SMIM18: variants seen among roughly 807,000 people sequenced by gnomAD.
SMIM18 encodes the protein small integral membrane protein 18.
SMIM18 carries 4 observed loss-of-function variants against 5.9 expected under a neutral mutation model. The observed-to-expected ratio is 0.68, with a 90% confidence interval of 0.33 to 1.56. The LOEUF is 1.56. SMIM18 is among the 40% of genes most tolerant of loss of function. The pLI is 0.06. For missense variants in SMIM18, 89 were observed against 109.7 expected, an observed-to-expected ratio of 0.81 and a Z score of 0.84; for synonymous variants, 37 against 37.4, an observed-to-expected ratio of 0.99 and a Z score of 0.04.
At chr8:30,640,496 A>T (rs1198110280) in intron 1 of SMIM18, among the ~76,000 whole-genome samples, 3 of 152,228 alleles carry the variant, frequency 2.0e-5, no homozygotes, top group Non-Finnish European at 4.4e-5. Flanking sequence ...CTAAAAAAAA[A>T]TTATGTGATT....
chr8:30,642,296 CAAA>C (rs33951211), intron 1 of SMIM18, among the ~76,000 whole-genome samples: 1 of 129,904 alleles, frequency 7.7e-6, no homozygotes, highest in African/African-American at 2.8e-5. Context: ...GGAGAAAAGC[CAAA>C]AAAAAAAAAA....
At chr8:30,643,831 TG>T (rs1184803581) in intron 1 of SMIM18, 2 of 151,468 alleles carry the variant, frequency 1.3e-5, no homozygotes, top group African/African-American at 4.8e-5. Context: ...AAAAAGTACA[TG>T]GGGTTCATAC....
In SMIM18 at chr8:30,645,304, C is replaced by G. The variant is rs1563508520; in HGVS notation, c.-6C>G. The G allele has an allele frequency of 9.8e-6, 15 of 1,533,428 alleles. No homozygotes were observed. The Admixed American group carries it at 3.0e-4, about 30-fold the overall frequency. The allele number at this position is 1,533,428 out of a possible 1,614,324, so 95.0% of individuals were successfully genotyped here. A position where few individuals can be genotyped will look rare whatever the true frequency, so the allele number is the denominator to read the frequency against. ...AGATTCAAAAGAGCAAGTGGAATCT[C>G]TAAGAATGGCTTCCAGCCACTGGAA... On this transcript the variant is annotated 5_prime_UTR_variant, in exon 3 of 3. Coordinates refer to ENST00000517349, the MANE Select transcript of SMIM18 (RefSeq NM_001206847.2).
intron 2 of SMIM18, among the ~76,000 whole-genome samples, 198 bp from the exon 3 acceptor site, chr8:30,645,083 A>G (rs1294902684): frequency 7.2e-5 from 11 of 152,134 alleles, no homozygotes. Context: ...TCTAGCAAAT[A>G]ATATATGTTA....
In SMIM18 at chr8:30,645,801, G is replaced by A; in HGVS notation, c.*204G>A. 1.9e-6 allele frequency: 1 copy of A among 540,414 alleles called. No homozygotes were observed. Among genetic ancestry groups the A allele is most frequent in the Non-Finnish European group, 3.2e-6 (1 of 310,186 alleles). The allele number at this position is 540,414 out of a possible 1,614,324, so 33.5% of individuals were successfully genotyped here. A position where few individuals can be genotyped will look rare whatever the true frequency, so the allele number is the denominator to read the frequency against. On this transcript the variant is annotated 3_prime_UTR_variant, in exon 3 of 3. Coordinates refer to ENST00000517349, the MANE Select transcript of SMIM18 (RefSeq NM_001206847.2). Reference sequence around the variant, plus strand: ...AAATATACAGTAAAACTTCATGAATGTGAATTTACTAATCTGTTTAATACT... The same window carrying A: ...AAATATACAGTAAAACTTCATGAATATGAATTTACTAATCTGTTTAATACT...
At chr8:30,641,635 G>A (rs1020740938) in intron 1 of SMIM18, among the ~76,000 whole-genome samples, 5 of 152,140 alleles carry the variant, frequency 3.3e-5, no homozygotes, top group African/African-American at 4.8e-5. Context: ...CAGCACTTTT[G>A]GGAAGCCAAG....
At chr8:30,640,272 C>T (rs187992378) in intron 1 of SMIM18, among the ~76,000 whole-genome samples, 2 of 152,250 alleles carry the variant, frequency 1.3e-5, no homozygotes, top group East Asian at 3.9e-4. Context: ...AATTCAAAGG[C>T]TTTTACCATA....
rs1166670074 is a variant in SMIM18 at position 30,645,638 on chromosome 8, A to G, written c.*41A>G. 1 of 1,488,262 alleles carries G rather than the reference A, an allele frequency of 6.7e-7. No homozygotes were observed. The highest frequency in any genetic ancestry group is 8.9e-7 in the Non-Finnish European group (1 of 1,121,984). The allele number at this position is 1,488,262 out of a possible 1,614,324, so 92.2% of individuals were successfully genotyped here. On this transcript the variant is annotated 3_prime_UTR_variant, in exon 3 of 3. Transcript: ENST00000517349. The stretch of plus-strand genomic sequence containing the variant: ...GAACAAAATCTCTGAAAGCAGCTCA[A>G]CCTCTTCTGAGAAAAAAAATATATT...
intron 1 of SMIM18, chr8:30,643,834 G>T (rs778106585): frequency 1.3e-5 from 2 of 151,702 alleles, no homozygotes; most frequent in Admixed American, 6.6e-5. Context: ...AAGTACATGG[G>T]GTTCATACTA....
At chr8:30,641,869 C>G (rs113541553) in intron 1 of SMIM18, among the ~76,000 whole-genome samples, 1 of 152,054 alleles carries the variant, frequency 6.6e-6, no homozygotes, top group South Asian at 2.1e-4. Context: ...GAACGAGACT[C>G]TGTCTCAAAC....
intron 1 of SMIM18, 150 bp downstream of exon 1, chr8:30,638,789 T>C (rs1031438011): frequency 6.6e-6 from 1 of 152,322 alleles, no homozygotes; most frequent in African/African-American, 2.4e-5. Flanking sequence ...GGTAGGATTT[T>C]ATTATGAAAA....
At chr8:30,640,981 A>C (rs1801800947) in intron 1 of SMIM18, among the ~76,000 whole-genome samples, 1 of 152,164 alleles carries the variant, frequency 6.6e-6, no homozygotes, top group South Asian at 2.1e-4. Context: ...CTAGGATTAC[A>C]GGCCTAATGG....
At chr8:30,641,009 G>A (rs1007347335) in intron 1 of SMIM18, among the ~76,000 whole-genome samples, 2 of 152,104 alleles carry the variant, frequency 1.3e-5, no homozygotes, top group Admixed American at 6.6e-5. Flanking sequence ...CTTTCTGCAT[G>A]CTTAATTATG....
In SMIM18 at chr8:30,645,513, A is replaced by C; in HGVS notation, c.204A>C (p.Lys68Asn). Residue 68 changes from lysine (K) to asparagine (N), a missense_variant, in exon 3 of 3, where the codon AAA becomes AAC. Transcript: ENST00000517349. ...ACTGCTGCTGCTGTGTAAAAAACAA[A>C]ACCGTGAAAGACTTGAAAAGTGAAC... Reference protein sequence around the residue: ...VLDCCCCVKNKTVKDLKSEPN... With the variant: ...VLDCCCCVKNNTVKDLKSEPN... 6.5e-7 allele frequency: 1 copy of C among 1,535,708 alleles called. No homozygotes were observed. The highest frequency in any genetic ancestry group is 1.2e-5 in the South Asian group (1 of 84,066).
At chr8:30,640,115 T>C (rs534762863) in intron 1 of SMIM18, among the ~76,000 whole-genome samples, 1 of 152,312 alleles carries the variant, frequency 6.6e-6, no homozygotes, top group South Asian at 2.1e-4. Flanking sequence ...TTAGCACAGA[T>C]GGAGGCTCAT....
At chr8:30,643,252 G>A (rs1429564348) in intron 1 of SMIM18, among the ~76,000 whole-genome samples, 2 of 152,166 alleles carry the variant, frequency 1.3e-5, no homozygotes, top group African/African-American at 4.8e-5. Context: ...GATATATATT[G>A]AAATATTTCT....
At chr8:30,641,602 G>A (rs1032905491) in intron 1 of SMIM18, among the ~76,000 whole-genome samples, 10 of 152,138 alleles carry the variant, frequency 6.6e-5, no homozygotes, top group South Asian at 4.1e-4. Context: ...TTGGCCAGGC[G>A]CGGTGGCTCA....
intron 1 of SMIM18, among the ~76,000 whole-genome samples, chr8:30,641,826 A>C (rs1801845499): frequency 6.6e-6 from 1 of 152,126 alleles, no homozygotes; most frequent in African/African-American, 2.4e-5. Context: ...CAGTGAGTCA[A>C]GATTGTGCCA....
intron 1 of SMIM18, among the ~76,000 whole-genome samples, chr8:30,642,197 G>A (rs911288622): frequency 6.6e-6 from 1 of 151,442 alleles, no homozygotes; most frequent in Non-Finnish European, 1.5e-5. Context: ...TTGTATTACA[G>A]TGCATTAAAT....
Sources: allele counts gnomAD v4.1 joint callset (sites outside exome capture counted in the v4.1 genomes callset), GRCh38; gene constraint gnomAD v4.1.1; transcripts MANE v1.5; gene names NCBI Gene and HGNC (gene_info 2026-07-23, HGNC 2026-07-21).